The following HEXD variants were observed in gnomAD, a reference collection of about 807,000 sequenced individuals.
HEXD encodes N-acetyl-beta-galactosaminidase.
In HEXD, 47 loss-of-function variants were observed where a neutral mutation model predicts 54.2. That is an observed-to-expected ratio of 0.87 (90% CI 0.69 to 1.11). The LOEUF (loss-of-function observed/expected upper bound fraction) is 1.11, where lower values mean the gene tolerates loss of function less well. Among genes scored for constraint, HEXD ranks in the 50% least tolerant of loss-of-function variants. The pLI is 0.00. For missense variants in HEXD, 576 were observed against 649.2 expected, an observed-to-expected ratio of 0.89 and a Z score of 1.23; for synonymous variants, 293 against 287.6, an observed-to-expected ratio of 1.02 and a Z score of -0.19.
chr17:82,419,640 GTTAA>G, intron 1 of HEXD, 105 bp from the exon 2 acceptor site: 1 of 520,666 alleles, frequency 1.9e-6, no homozygotes, highest in Non-Finnish European at 3.5e-6. Flanking sequence ...TTTCCTCCAA[GTTAA>G]TCTATCAAAA....
At chr17:82,436,844 C>T (rs1337362201) in intron 7 of HEXD, 106 bp downstream of exon 7, 16 of 1,053,578 alleles carry the variant, frequency 1.5e-5, no homozygotes, top group African/African-American at 6.3e-5. Flanking sequence ...GGAGCCTGCA[C>T]GGGTAGAGGC....
Position 82,418,545 on chromosome 17 carries a change from G to C in HEXD, c.-247G>C, listed in dbSNP as rs1482029704. ...GGCGCCAGGCCCGGGGACGAACGCC[G>C]TAACAGGGAGCGCGAGGCAGGCACG... On this transcript the variant is annotated 5_prime_UTR_variant, in exon 1 of 13. Transcript: ENST00000327949. 4 of 969,338 alleles carry C rather than the reference G, an allele frequency of 4.1e-6. No homozygotes were observed. The highest frequency in any genetic ancestry group is 4.1e-6 in the Non-Finnish European group (3 of 735,574). 60.0% of individuals were successfully genotyped at this position (969,338 alleles called of 1,614,324 possible).
chr17:82,431,155 A>G (rs2053564973), intron 4 of HEXD, among the ~76,000 whole-genome samples: 1 of 126,438 alleles, frequency 7.9e-6, no homozygotes, highest in Non-Finnish European at 1.6e-5. Flanking sequence ...GGTGCGTGCC[A>G]CCATACCCGG....
chr17:82,424,374 C>A lies in HEXD; in HGVS notation c.85-20C>A, dbSNP rs776556881. On this transcript the variant is annotated intron_variant, in intron 2 of 12. Transcript: ENST00000327949. ...CTCCAGCAGCCACTTCTTCCTAACC[C>A]CTCCCTGTTTACCCCCCAGATTTTT... 3.8e-6 allele frequency: 6 copies of A among 1,563,764 alleles called. No individual in the cohort carries two copies. In the South Asian group the frequency reaches 5.6e-5, roughly 14 times the overall value.
chr17:82,427,245 G>C (rs969147997), intron 3 of HEXD: 3 of 152,206 alleles, frequency 2.0e-5, no homozygotes, highest in Non-Finnish European at 4.4e-5. Context: ...AGAAGTTGCA[G>C]TGAGCCGAGA....
At chr17:82,437,537 C>T (rs995955707) in intron 8 of HEXD, among the ~76,000 whole-genome samples, 174 bp downstream of exon 8, 4 of 152,222 alleles carry the variant, frequency 2.6e-5, no homozygotes, top group Admixed American at 6.5e-5. Context: ...CACGCCAGAG[C>T]GGCCGCTGAG....
At chr17:82,436,422 C>T (rs1025970955) in intron 6 of HEXD, among the ~76,000 whole-genome samples, 1 of 152,250 alleles carries the variant, frequency 6.6e-6, no homozygotes, top group Admixed American at 6.5e-5. Flanking sequence ...CCGCGTGCTC[C>T]AGCTGTGCCT....
At chr17:82,435,425 TG>T (rs2053732208) in intron 5 of HEXD, among the ~76,000 whole-genome samples, 2 of 152,206 alleles carry the variant, frequency 1.3e-5, no homozygotes, top group Non-Finnish European at 2.9e-5. Context: ...TGGTCCATCA[TG>T]GGGGATGGAC....
chr17:82,425,324 TGGGCTAGAGA>T (rs989691321), intron 3 of HEXD, among the ~76,000 whole-genome samples: 3 of 145,808 alleles, frequency 2.1e-5, no homozygotes, highest in African/African-American at 7.7e-5. Context: ...CAGAGAAGGC[TGGGCTAGAGA>T]AGGCTGGAGG....
At position 82,418,479 on chromosome 17, in the gene HEXD, G is replaced by A. The variant is rs761016972; in HGVS notation, c.-313G>A. On this transcript the variant is annotated 5_prime_UTR_variant, in exon 1 of 13. Coordinates refer to ENST00000327949, the MANE Select transcript of HEXD (RefSeq NM_001330542.2). ...GCCTTGGTTGCGGCCCTCCGCTGAG[G>A]AGCCATCGGACCAGGCCGCCGCGGA... 176 of 1,462,288 alleles carry A rather than the reference G, an allele frequency of 1.2e-4. No homozygotes were observed. The highest frequency in any genetic ancestry group is 1.5e-4 in the Non-Finnish European group (168 of 1,112,042). 90.6% of individuals were successfully genotyped at this position (1,462,288 alleles called of 1,614,324 possible).
intron 9 of HEXD, 36 bp from the exon 10 acceptor site, chr17:82,440,958 AGAG>A: frequency 6.2e-7 from 1 of 1,607,638 alleles, no homozygotes; most frequent in Non-Finnish European, 8.5e-7. Flanking sequence ...CCCCTCCTCC[AGAG>A]GCCCCTCCAA....
Position 82,432,859 on chromosome 17 carries a change from C to G in HEXD, c.283-799C>G, listed in dbSNP as rs190877685. Among the ~76,000 whole-genome samples the G allele has an allele frequency of 8.5e-3, 1,238 of 145,682 alleles. 8 individuals carry two copies. The highest frequency in any genetic ancestry group is 0.026 in the Middle Eastern group (7 of 266). The stretch of plus-strand genomic sequence containing the variant: ...CGGGCAGATCACAAGGTCAGGAGAT[C>G]GAGACCATCCTGGCTAACACGGTGA... On this transcript the variant is annotated intron_variant, in intron 4 of 12. Transcript: ENST00000327949.
chr17:82,435,987 A>G, intron 6 of HEXD, 115 bp downstream of exon 6: 1 of 1,003,314 alleles, frequency 1.0e-6, no homozygotes, highest in African/African-American at 1.6e-5. Flanking sequence ...AGCCCCGCAC[A>G]GACCCGCCAC....
Position 82,419,757 on chromosome 17 carries a change from C to A in HEXD, c.-43C>A. On this transcript the variant is annotated 5_prime_UTR_variant, in exon 2 of 13. Transcript: ENST00000327949. ...TTGATTTTCTCCACTAGGAAGAAGTCCCCAAGGAGACTTCGCCATAGGAGT... is the reference window on the plus strand; with the variant it reads ...TTGATTTTCTCCACTAGGAAGAAGTACCCAAGGAGACTTCGCCATAGGAGT... 8 of 1,305,290 alleles carry A rather than the reference C, an allele frequency of 6.1e-6. No homozygotes were observed. Among genetic ancestry groups the A allele is most frequent in the Non-Finnish European group, 8.9e-6 (8 of 903,416 alleles). 80.9% of individuals were successfully genotyped at this position (1,305,290 alleles called of 1,614,324 possible).
chr17:82,440,311 G>A (rs555683456), intron 9 of HEXD: 60 of 1,259,900 alleles, frequency 4.8e-5, no homozygotes, highest in Admixed American at 1.3e-4. Flanking sequence ...CAGGCGCGGC[G>A]GCCCAGGGAC....
chr17:82,436,609 G>C, intron 6 of HEXD, 58 bp from the exon 7 acceptor site: 1 of 1,440,022 alleles, frequency 6.9e-7, no homozygotes, highest in East Asian at 2.4e-5. Flanking sequence ...AGGTGGGTCC[G>C]AGGGGCTGAG....
rs749458524 is a variant in HEXD at position 82,424,477 on chromosome 17, G to A, written c.168G>A (p.Arg56=). ...EDMFPYEGPL[R]LLRAKYAYSP... ...TGTTTCCCTACGAGGGCCCTCTGAG[G>A]CTGCTGAGGGCCAAGTACGCCTACA... The change falls in exon 3 of 13, where the codon AGG becomes AGA. Residue 56 remains arginine (R), a synonymous_variant. Coordinates refer to ENST00000327949, the MANE Select transcript of HEXD (RefSeq NM_001330542.2). The A allele has an allele frequency of 6.2e-7, 1 of 1,613,788 alleles. No homozygotes were observed. The highest frequency in any genetic ancestry group is 1.7e-5 in the Admixed American group (1 of 60,020).
At chr17:82,438,169 C>T (rs1381590483) in intron 8 of HEXD, among the ~76,000 whole-genome samples, 2 of 151,674 alleles carry the variant, frequency 1.3e-5, no homozygotes, top group South Asian at 2.1e-4. Flanking sequence ...ACCCAGGAGG[C>T]GGAGGTTGCA....
intron 2 of HEXD, 148 bp from the exon 3 acceptor site, chr17:82,424,246 A>G (rs1245566315): frequency 3.1e-6 from 2 of 652,754 alleles, no homozygotes; most frequent in East Asian, 2.6e-5. Flanking sequence ...TAAAGTACAC[A>G]TTCCGGATTT....
Sources: gnomAD v4.1 joint callset for allele counts (sites outside exome capture counted in the v4.1 genomes callset) on GRCh38, gnomAD v4.1.1 for gene constraint, MANE v1.5 for transcripts, NCBI Gene and HGNC (gene_info 2026-07-23, HGNC 2026-07-21) for gene names.